The following AXDND1 variants were observed in gnomAD, a reference collection of about 807,000 sequenced individuals.
The protein encoded by AXDND1 is axonemal dynein light chain domain containing 1.
Under a neutral mutation model 137.5 loss-of-function variants are expected in AXDND1, and 110 were observed. That is an observed-to-expected ratio of 0.80 (90% CI 0.69 to 0.94). The LOEUF is 0.94. Among genes scored for constraint, AXDND1 ranks in the 40% least tolerant of loss-of-function variants. The pLI, the probability that AXDND1 is intolerant of heterozygous loss-of-function variation, is 0.00. For missense variants in AXDND1, 1,191 were observed against 1,169.8 expected, an observed-to-expected ratio of 1.02 and a Z score of -0.26; for synonymous variants, 414 against 399.7, an observed-to-expected ratio of 1.04 and a Z score of -0.43.
intron 11 of AXDND1, among the ~76,000 whole-genome samples, chr1:179,408,968 C>CTT (rs74384865): frequency 0.066 from 8,252 of 125,120 alleles, 296 homozygotes; most frequent in African/African-American, 0.11. Flanking sequence ...TTTTTTCTTT[C>CTT]TTTTTTTTTT....
chr1:179,429,573 G>T lies in AXDND1; in HGVS notation c.1286G>T (p.Gly429Val). The change falls in exon 13 of 26, where the codon GGC becomes GTC. Residue 429 changes from glycine to valine, a missense_variant. By Grantham distance (109) the Gly-to-Val change is moderately radical. Transcript: ENST00000367618. ...LARRLYLNEK[G>V]WNKYTKHFII... ...AGAAGACTTTACCTTAATGAAAAAG[G>T]CTGGAATAAATACACTAAGCATTTC... 6.3e-7 allele frequency: 1 copy of T among 1,577,482 alleles called. No individual in the cohort carries two copies. Among genetic ancestry groups the T allele is most frequent in the Non-Finnish European group, 8.6e-7 (1 of 1,165,084 alleles).
At chr1:179,456,229 A>G in intron 16 of AXDND1, 1 of 785,410 alleles carries the variant, frequency 1.3e-6, no homozygotes, top group South Asian at 1.3e-5. Context: ...CCTAATTAAA[A>G]TCTGCCACTG....
rs553161736 is a variant in AXDND1, at chr1:179,468,024, G to T, written c.1799-419G>T. 1.3e-3 allele frequency among the ~76,000 whole-genome samples: 199 copies of T among 152,172 alleles called. 1 individual carries two copies. The highest frequency in any genetic ancestry group is 0.012 in the South Asian group (60 of 4,824). ...ATCAATAACCTAAAAAATGACTCAA[G>T]AACTATGATAATCTATTTTAATTTG... On this transcript the variant is annotated intron_variant, in intron 16 of 25. Coordinates refer to ENST00000367618, the MANE Select transcript of AXDND1 (RefSeq NM_144696.6).
chr1:179,533,540 TC>T (rs1314879067), intron 23 of AXDND1, among the ~76,000 whole-genome samples: 2 of 152,150 alleles, frequency 1.3e-5, no homozygotes, highest in African/African-American at 2.4e-5. Flanking sequence ...TTCCCCTGCT[TC>T]TTCTTTACAA....
Position 179,500,987 on chromosome 1 carries a change from T to TAA in AXDND1, c.2388+8040_2388+8041dup, listed in dbSNP as rs934633649. 2.0e-5 allele frequency among the ~76,000 whole-genome samples: 3 copies of TAA among 152,296 alleles called. No individual in the cohort carries two copies. In the East Asian group the frequency reaches 5.8e-4, roughly 29 times the overall value. ...ATGCCTGGCTGAATTAATTTAAATT[T>TAA]AAAAATTCACCTCTCCAGTCATATT... On this transcript the variant is annotated intron_variant, in intron 20 of 25. Coordinates refer to ENST00000367618, the MANE Select transcript of AXDND1 (RefSeq NM_144696.6).
intron 12 of AXDND1, among the ~76,000 whole-genome samples, chr1:179,422,518 T>C (rs933681854): frequency 1.2e-4 from 19 of 152,194 alleles, no homozygotes; most frequent in Non-Finnish European, 5.9e-5. Flanking sequence ...GATTTCTACT[T>C]TTTTGAATTT....
At position 179,554,420 on chromosome 1, in the gene AXDND1, G is replaced by A. The variant is rs566001871; in HGVS notation, c.3032-92G>A. ...ATTTTTCAAATGAAAAATTTAAAAT[G>A]AAACCAGAATATTTTCCTTTATCAT... is the stretch of plus-strand genomic sequence containing the variant. On this transcript the variant is annotated intron_variant, in intron 25 of 25. Coordinates refer to ENST00000367618, the MANE Select transcript of AXDND1 (RefSeq NM_144696.6). 7 of 1,606,932 alleles carry A rather than the reference G, an allele frequency of 4.4e-6. No individual in the cohort carries two copies. In the African/African-American group the frequency reaches 9.4e-5, roughly 22 times the overall value.
intron 11 of AXDND1, among the ~76,000 whole-genome samples, chr1:179,410,269 C>T (rs941718134): frequency 3.3e-5 from 5 of 152,126 alleles, no homozygotes; most frequent in Admixed American, 6.6e-5. Context: ...ATTTTTCTGT[C>T]GCCCAGTCTG....
At chr1:179,407,086 A>G (rs1653085277) in intron 11 of AXDND1, among the ~76,000 whole-genome samples, 1 of 151,964 alleles carries the variant, frequency 6.6e-6, no homozygotes, top group Admixed American at 6.6e-5. Flanking sequence ...TTTGTTTCTA[A>G]ATATAGGACT....
At chr1:179,370,172 A>G (rs1315715062) in intron 4 of AXDND1, 94 bp downstream of exon 4, 2 of 953,632 alleles carry the variant, frequency 2.1e-6, no homozygotes, top group African/African-American at 3.3e-5. Context: ...TAGAAAAATC[A>G]CTGAATCATA....
intron 2 of AXDND1, 48 bp from the exon 3 acceptor site, chr1:179,368,752 C>G: frequency 6.7e-7 from 1 of 1,483,494 alleles, no homozygotes; most frequent in Non-Finnish European, 9.1e-7. Flanking sequence ...CTCCATCTAA[C>G]TTAAAAAAAT....
chr1:179,462,394 G>A (rs1450247022), intron 16 of AXDND1, among the ~76,000 whole-genome samples: 1 of 152,176 alleles, frequency 6.6e-6, no homozygotes, highest in Non-Finnish European at 1.5e-5. Context: ...CAGGGATGAA[G>A]CCAGCTTCAT....
chr1:179,501,319 A>G (rs1373890528), intron 20 of AXDND1, among the ~76,000 whole-genome samples: 4 of 152,230 alleles, frequency 2.6e-5, no homozygotes, highest in Admixed American at 6.5e-5. Context: ...AAGATGGACA[A>G]CTATGTCAAT....
chr1:179,488,630 CTCTCCTTT>C (rs1216179781), intron 18 of AXDND1, among the ~76,000 whole-genome samples: 1 of 60,070 alleles, frequency 1.7e-5, no homozygotes. Flanking sequence ...CTCTCTCTCT[CTCTCCTTT>C]CTTTCTTTCT....
intron 17 of AXDND1, among the ~76,000 whole-genome samples, chr1:179,481,465 G>A (rs142663079): frequency 0.093 from 14,086 of 152,210 alleles, 917 homozygotes; most frequent in African/African-American, 0.17. Flanking sequence ...TGTCTTTATA[G>A]CAGCATGATT....
At chr1:179,471,535 GAAGA>G (rs894897402) in intron 17 of AXDND1, among the ~76,000 whole-genome samples, 2 of 152,162 alleles carry the variant, frequency 1.3e-5, no homozygotes, top group African/African-American at 4.8e-5. Flanking sequence ...ATTTCTGAAA[GAAGA>G]TCAGTGCTAG....
At chr1:179,522,417 G>C (rs867115172) in intron 21 of AXDND1, among the ~76,000 whole-genome samples, 1 of 151,952 alleles carries the variant, frequency 6.6e-6, no homozygotes, top group Admixed American at 6.6e-5. Context: ...TTTGTAGTCT[G>C]TTTGATAATT....
At chr1:179,529,064 A>G (rs1670815485) in intron 23 of AXDND1, among the ~76,000 whole-genome samples, 2 of 152,248 alleles carry the variant, frequency 1.3e-5, no homozygotes, top group South Asian at 4.1e-4. Flanking sequence ...TAGAGACAGT[A>G]GCTGTGGACA....
chr1:179,471,177 T>C (rs1370055933), intron 17 of AXDND1, among the ~76,000 whole-genome samples: 1 of 152,194 alleles, frequency 6.6e-6, no homozygotes, highest in Non-Finnish European at 1.5e-5. Flanking sequence ...TAAGAGACAT[T>C]GGTCTATTTT....
Sources: allele counts gnomAD v4.1 joint callset (sites outside exome capture counted in the v4.1 genomes callset), GRCh38; gene constraint gnomAD v4.1.1; transcripts MANE v1.5; gene names NCBI Gene and HGNC (gene_info 2026-07-23, HGNC 2026-07-21).